NUP93: variants seen among roughly 807,000 people sequenced by gnomAD.
NUP93 encodes nuclear pore complex protein Nup93.
In NUP93, 55 loss-of-function variants were observed where a neutral mutation model predicts 107.8. The ratio of observed to expected loss-of-function variants is 0.51; its 90% CI spans 0.41 to 0.64. The LOEUF is 0.64. Among genes scored for constraint, NUP93 ranks in the 30% least tolerant of loss-of-function variants. NUP93 has a pLI of 0.00. For synonymous variants in NUP93, 390 were observed against 397.5 expected, an observed-to-expected ratio of 0.98 and a Z score of 0.22; for missense variants, 937 against 1,044.7, an observed-to-expected ratio of 0.90 and a Z score of 1.42.
In NUP93 at chr16:56,844,776, A is replaced by G. The variant is rs1309895302; in HGVS notation, c.*167A>G. ...TTTCTTTGATTTGTATTTCTTTTCAACATTCTTTTATTTTCTTTTTTTTTT... is the reference window on the plus strand; with the variant it reads ...TTTCTTTGATTTGTATTTCTTTTCAGCATTCTTTTATTTTCTTTTTTTTTT... On this transcript the variant is annotated 3_prime_UTR_variant, in exon 22 of 22. Transcript: ENST00000308159. 5.2e-6 allele frequency: 2 copies of G among 387,898 alleles called. No homozygotes were observed. The highest frequency in any genetic ancestry group is 3.7e-5 in the East Asian group (1 of 27,314). 24.0% of individuals were successfully genotyped at this position (387,898 alleles called of 1,614,324 possible). A position where few individuals can be genotyped will look rare whatever the true frequency, so the allele number is the denominator to read the frequency against.
In NUP93 at chr16:56,738,139, A is replaced by G. The variant is rs144016776; in HGVS notation, c.-15+7928A>G. Among the ~76,000 whole-genome samples the G allele has an allele frequency of 4.3e-3, 654 of 152,306 alleles. 6 individuals are homozygous for G. The highest frequency in any genetic ancestry group is 0.015 in the African/African-American group (605 of 41,558). On this transcript the variant is annotated intron_variant, in intron 1 of 21. Coordinates refer to ENST00000308159, the MANE Select transcript of NUP93 (RefSeq NM_014669.5). ...CGAATTAAAACATCTCACATTTGTA[A>G]ATTCTTTAAGGTGAGCAGGCCCTTA...
intron 5 of NUP93, among the ~76,000 whole-genome samples, chr16:56,814,727 T>C (rs1439623613): frequency 6.6e-6 from 1 of 152,194 alleles, no homozygotes. Flanking sequence ...GTCTCCAGAC[T>C]CCTGGGTGAG....
chr16:56,774,432 A>G (rs759071107), intron 3 of NUP93, among the ~76,000 whole-genome samples: 3 of 134,960 alleles, frequency 2.2e-5, no homozygotes, highest in Non-Finnish European at 4.7e-5. Context: ...CCCCACCCCC[A>G]CCATTAAATG....
intron 2 of NUP93, among the ~76,000 whole-genome samples, chr16:56,753,695 A>G (rs1961965638): frequency 1.3e-5 from 2 of 152,182 alleles, no homozygotes; most frequent in Admixed American, 1.3e-4. Flanking sequence ...ATAATCCAGA[A>G]TCTTCAACAA....
intron 3 of NUP93, among the ~76,000 whole-genome samples, chr16:56,771,205 T>A (rs1024252726): frequency 6.6e-6 from 1 of 152,228 alleles, no homozygotes; most frequent in African/African-American, 2.4e-5. Flanking sequence ...CATAATCTTT[T>A]CATTTGTATA....
intron 1 of NUP93, among the ~76,000 whole-genome samples, chr16:56,747,280 G>A (rs1323599971): frequency 1.3e-5 from 2 of 152,200 alleles, no homozygotes; most frequent in South Asian, 2.1e-4. Flanking sequence ...GATTACAGGC[G>A]TGAGCCATTG....
intron 1 of NUP93, among the ~76,000 whole-genome samples, chr16:56,744,856 A>G (rs1464196617): frequency 6.6e-6 from 1 of 152,174 alleles, no homozygotes; most frequent in Non-Finnish European, 1.5e-5. Flanking sequence ...CTGGAAGGGA[A>G]TGTTTCTGTT....
intron 1 of NUP93, among the ~76,000 whole-genome samples, chr16:56,738,945 CTT>C (rs35518694): frequency 3.9e-4 from 52 of 131,768 alleles, no homozygotes; most frequent in African/African-American, 6.6e-4. Flanking sequence ...TGCTAAATTT[CTT>C]TTTTTTTTTT....
intron 19 of NUP93, 125 bp downstream of exon 19, chr16:56,839,194 A>T: frequency 1.6e-6 from 1 of 639,322 alleles, no homozygotes. Flanking sequence ...AAAGAAAGAC[A>T]AGTACAATCC....
rs74327135 is a variant in NUP93, at chr16:56,817,352, C to T, written c.490-1312C>T. On this transcript the variant is annotated intron_variant, in intron 5 of 21. Transcript: ENST00000308159. The stretch of plus-strand genomic sequence containing the variant: ...GATAACTTCTCTCCCCTCTCTCCCC[C>T]TCTCCTGGTGCATGCCCACTGTACT... 3.8e-3 allele frequency among the ~76,000 whole-genome samples: 579 copies of T among 152,292 alleles called. 7 individuals are homozygous for T. The highest frequency in any genetic ancestry group is 0.013 in the African/African-American group (552 of 41,558).
intron 1 of NUP93, among the ~76,000 whole-genome samples, chr16:56,733,969 T>A (rs147536144): frequency 6.6e-6 from 1 of 152,248 alleles, no homozygotes; most frequent in South Asian, 2.1e-4. Context: ...ACCAAAGTTA[T>A]AGTCTTCTCT....
At chr16:56,794,699 C>T (rs1214951487) in intron 3 of NUP93, among the ~76,000 whole-genome samples, 4 of 151,614 alleles carry the variant, frequency 2.6e-5, no homozygotes, top group Admixed American at 1.3e-4. Context: ...GAGGCCGAGG[C>T]GGGTGGATCA....
intron 12 of NUP93, 82 bp downstream of exon 12, chr16:56,832,470 C>A: frequency 9.6e-7 from 1 of 1,045,932 alleles, no homozygotes; most frequent in Non-Finnish European, 1.5e-6. Context: ...GAAAATTTTT[C>A]ATCTCTGAAC....
chr16:56,783,465 A>C, intron 3 of NUP93: 2 of 985,356 alleles, frequency 2.0e-6, no homozygotes, highest in Non-Finnish European at 2.4e-6. Context: ...CATTGCAAAG[A>C]ATCGATTTCT....
At chr16:56,742,898 T>C (rs1236518662) in intron 1 of NUP93, among the ~76,000 whole-genome samples, 2 of 152,222 alleles carry the variant, frequency 1.3e-5, no homozygotes, top group African/African-American at 4.8e-5. Context: ...ATTCTACTCA[T>C]GGCTGATGCT....
chr16:56,817,076 CCAG>C (rs1204481998), intron 5 of NUP93, among the ~76,000 whole-genome samples: 1 of 152,098 alleles, frequency 6.6e-6, no homozygotes, highest in Admixed American at 6.5e-5. Flanking sequence ...GATCATTGTG[CCAG>C]CCAGCAGCAT....
chr16:56,798,454 G>A, intron 3 of NUP93, 22 bp from the exon 4 acceptor site: 1 of 1,607,800 alleles, frequency 6.2e-7, no homozygotes, highest in Non-Finnish European at 8.5e-7. Flanking sequence ...TTTAAGTTGT[G>A]TTAATTTTCC....
At chr16:56,774,709 TGTG>T (rs1351747812) in intron 3 of NUP93, among the ~76,000 whole-genome samples, 3 of 152,104 alleles carry the variant, frequency 2.0e-5, no homozygotes, top group East Asian at 1.9e-4. Context: ...TTTATGCTGG[TGTG>T]GTGGTATTTT....
At chr16:56,844,150 G>T (rs1224755630) in intron 21 of NUP93, among the ~76,000 whole-genome samples, 2 of 152,214 alleles carry the variant, frequency 1.3e-5, no homozygotes, top group Admixed American at 1.3e-4. Context: ...CAGAGAGAGA[G>T]GCTCAGAAGA....
Sources: gnomAD v4.1 joint callset for allele counts (sites outside exome capture counted in the v4.1 genomes callset) on GRCh38, gnomAD v4.1.1 for gene constraint, MANE v1.5 for transcripts, NCBI Gene and HGNC (gene_info 2026-07-23, HGNC 2026-07-21) for gene names.